TUT7: variants seen among roughly 807,000 people sequenced by gnomAD.
The protein encoded by TUT7 is terminal uridylyltransferase 7.
Under a neutral mutation model 165.9 loss-of-function variants are expected in TUT7, and 33 were observed. The ratio of observed to expected loss-of-function variants is 0.20; its 90% confidence interval spans 0.15 to 0.27. TUT7 has a LOEUF of 0.27. TUT7 is among the 10% of genes least tolerant of loss of function. TUT7 has a pLI of 1.00. For missense variants in TUT7, 1,338 were observed against 1,762.3 expected, an observed-to-expected ratio of 0.76 and a Z score of 4.31; for synonymous variants, 552 against 608.1, an observed-to-expected ratio of 0.91 and a Z score of 1.36.
At chr9:86,312,873 G>A (rs905612398) in intron 17 of TUT7, among the ~76,000 whole-genome samples, 1 of 152,030 alleles carries the variant, frequency 6.6e-6, no homozygotes, top group South Asian at 2.1e-4. Context: ...GATTAAGGGC[G>A]GTGCAAGATG....
At chr9:86,340,248 T>C in intron 7 of TUT7, 143 bp from the exon 8 acceptor site, 1 of 628,030 alleles carries the variant, frequency 1.6e-6, no homozygotes, top group Admixed American at 3.1e-5. Flanking sequence ...TGCAATGACT[T>C]GAAAAGGAAA....
At chr9:86,317,410 T>A (rs1828820511) in intron 16 of TUT7, 134 bp from the exon 17 acceptor site, 2 of 736,082 alleles carry the variant, frequency 2.7e-6, no homozygotes, top group Non-Finnish European at 4.5e-6. Context: ...TCCTTTCTAG[T>A]TGGGTATTAG....
At chr9:86,310,460 T>C (rs1248550885) in intron 18 of TUT7, among the ~76,000 whole-genome samples, 3 of 152,176 alleles carry the variant, frequency 2.0e-5, no homozygotes, top group African/African-American at 4.8e-5. Flanking sequence ...TTTCAGTAGA[T>C]ATAAGATCTC....
intron 26 of TUT7, among the ~76,000 whole-genome samples, chr9:86,290,680 A>G (rs1194064392): frequency 6.7e-6 from 1 of 148,768 alleles, no homozygotes; most frequent in Non-Finnish European, 1.5e-5. Flanking sequence ...CGTCTCTACT[A>G]AAATACAAAA....
chr9:86,322,773 T>TTCA, intron 13 of TUT7, 100 bp downstream of exon 13: 1 of 1,360,622 alleles, frequency 7.3e-7, no homozygotes, highest in Non-Finnish European at 9.8e-7. Context: ...TGTTCAACAC[T>TTCA]ACCAAAATAG....
rs879575896 is a variant in TUT7, at chr9:86,354,390, C to T, written c.-151G>A. On this transcript the variant is annotated 5_prime_UTR_variant, in exon 1 of 27. Transcript: ENST00000375963. ...GCCCAAGAGCACTCACCACCTTCGC[C>T]GCGGTCCCCAGCCTCTTCCTGTCCC... 6.5e-5 allele frequency: 10 copies of T among 152,952 alleles called. No homozygotes were observed. Among genetic ancestry groups the T allele is most frequent in the Admixed American group, 3.3e-4 (5 of 15,296 alleles). The allele number at this position is 152,952 out of a possible 1,614,324, so 9.5% of individuals were successfully genotyped here.
In TUT7 at chr9:86,311,575, T is replaced by TC. The variant is rs1554696509; in HGVS notation, c.3275-767dup. Among the ~76,000 whole-genome samples the TC allele has an allele frequency of 3.6e-5, 4 of 111,246 alleles. No homozygotes were observed. Among genetic ancestry groups the TC allele is most frequent in the Non-Finnish European group, 5.9e-5 (3 of 51,276 alleles). 73.0% of individuals were successfully genotyped at this position (111,246 alleles called of 152,430 possible). A position where few individuals can be genotyped will look rare whatever the true frequency, so the allele number is the denominator to read the frequency against. On this transcript the variant is annotated intron_variant, in intron 17 of 26. Coordinates refer to ENST00000375963, the MANE Select transcript of TUT7 (RefSeq NM_024617.4). The surrounding 1 kb of genome is among the most constrained non-coding windows in gnomAD (Gnocchi z 4.4). ...AGAATTATCCTTAGTCCTCTCCCTC[T>TC]CCCTCTCCCCTCTTCCCTCTCCCCT...
intron 24 of TUT7, 57 bp downstream of exon 24, chr9:86,304,799 G>A (rs760936435): frequency 6.9e-6 from 8 of 1,166,418 alleles, no homozygotes; most frequent in African/African-American, 1.6e-5. Context: ...GAAGTGATGT[G>A]TACAAATTAG....
At chr9:86,318,498 T>C (rs753376060) in intron 16 of TUT7, among the ~76,000 whole-genome samples, 3 of 152,208 alleles carry the variant, frequency 2.0e-5, no homozygotes, top group Non-Finnish European at 2.9e-5. Flanking sequence ...ACAGATATTA[T>C]ACTTTATCGA....
intron 2 of TUT7, among the ~76,000 whole-genome samples, chr9:86,348,248 A>T (rs1831945485): frequency 6.6e-6 from 1 of 152,250 alleles, no homozygotes; most frequent in Non-Finnish European, 1.5e-5. Context: ...TGGCTGCAGA[A>T]ATTCTGTCAG....
chr9:86,349,037 G>C (rs955901462), intron 2 of TUT7, among the ~76,000 whole-genome samples: 9 of 152,092 alleles, frequency 5.9e-5, no homozygotes, highest in African/African-American at 1.9e-4. Flanking sequence ...CCAGCATTTT[G>C]GGAGGCCGAG....
chr9:86,345,549 T>A, intron 4 of TUT7, 120 bp downstream of exon 4: 1 of 738,106 alleles, frequency 1.4e-6, no homozygotes, highest in Non-Finnish European at 2.3e-6. Context: ...CTCAAATATA[T>A]TCAATAAATA....
chr9:86,329,691 T>G (rs1461518017), intron 10 of TUT7, among the ~76,000 whole-genome samples: 1 of 152,192 alleles, frequency 6.6e-6, no homozygotes, highest in African/African-American at 2.4e-5. Flanking sequence ...AGACACACTC[T>G]CCTGTTCATA....
chr9:86,351,398 T>G (rs920466839), intron 2 of TUT7, among the ~76,000 whole-genome samples: 4 of 151,920 alleles, frequency 2.6e-5, no homozygotes, highest in Admixed American at 6.6e-5. Flanking sequence ...ATCGCGCCAC[T>G]GTACTCCAGC....
chr9:86,312,920 G>C (rs895681489), intron 17 of TUT7, among the ~76,000 whole-genome samples: 104 of 151,922 alleles, frequency 6.8e-4, no homozygotes, highest in Non-Finnish European at 1.2e-3. Flanking sequence ...CAGCATGCTC[G>C]TTAAGAGTCA....
Position 86,301,278 on chromosome 9 carries a change from G to A in TUT7, c.4418C>T (p.Ser1473Leu), listed in dbSNP as rs777553227. Residue 1473 changes from serine (S) to leucine (L), a missense_variant and splice_region_variant, in exon 26 of 27, where the codon TCA becomes TTA. Ser to Leu is a moderately radical substitution (Grantham distance 145). Coordinates refer to ENST00000375963, the MANE Select transcript of TUT7 (RefSeq NM_024617.4). Reference protein sequence around the residue: ...KKECPQFKGSSGSLSSKYMTQ... With the variant: ...KKECPQFKGSLGSLSSKYMTQ... The stretch of plus-strand genomic sequence containing the variant: ...CAAGGTGTGATAGGTGTCCATACCT[G>A]AAGAGCCTTTAAACTGTGGGCATTC... 12 of 1,612,966 alleles carry A rather than the reference G, an allele frequency of 7.4e-6. No homozygotes were observed. Among genetic ancestry groups the A allele is most frequent in the African/African-American group, 1.3e-5 (1 of 74,802 alleles).
chr9:86,298,483 C>T (rs1474767520), intron 26 of TUT7, among the ~76,000 whole-genome samples: 4 of 152,166 alleles, frequency 2.6e-5, no homozygotes, highest in African/African-American at 4.8e-5. Flanking sequence ...ACAAAAAGCA[C>T]GGGACTGGAA....
chr9:86,291,507 C>T (rs1030131810), intron 26 of TUT7, among the ~76,000 whole-genome samples: 1 of 146,916 alleles, frequency 6.8e-6, no homozygotes, highest in East Asian at 2.0e-4. Context: ...AGGAGGCAGA[C>T]GTTGTGGTGA....
At chr9:86,347,207 A>C (rs1444970746) in intron 2 of TUT7, among the ~76,000 whole-genome samples, 1 of 152,228 alleles carries the variant, frequency 6.6e-6, no homozygotes. Context: ...ACAACTGGCC[A>C]TTGAAACAAA....
Sources: gnomAD v4.1 joint callset for allele counts (sites outside exome capture counted in the v4.1 genomes callset) on GRCh38, gnomAD v4.1.1 for gene constraint, Gnocchi (gnomAD v3.1) non-coding constraint, MANE v1.5 for transcripts, NCBI Gene and HGNC (gene_info 2026-07-23, HGNC 2026-07-21) for gene names.